Variants in KRT23 observed in about 807,000 individuals in gnomAD.
The protein encoded by KRT23 is keratin, type I cytoskeletal 23.
Under a neutral mutation model 47.6 loss-of-function variants are expected in KRT23, and 38 were observed. The observed-to-expected ratio is 0.80, with a 90% CI of 0.62 to 1.05. KRT23 has a LOEUF of 1.05. Among genes scored for constraint, KRT23 ranks in the 50% least tolerant of loss-of-function variants. The pLI is 0.00. For synonymous variants in KRT23, 191 were observed against 199.0 expected, an observed-to-expected ratio of 0.96 and a Z score of 0.34; for missense variants, 503 against 529.5, an observed-to-expected ratio of 0.95 and a Z score of 0.49.
intron 2 of KRT23, among the ~76,000 whole-genome samples, chr17:40,932,765 T>A (rs1376201419): frequency 6.6e-6 from 1 of 152,184 alleles, no homozygotes; most frequent in Non-Finnish European, 1.5e-5. Flanking sequence ...CTTTTAAAAG[T>A]CTGGTCCTAT....
rs1597889738 is a variant in KRT23 at position 40,936,986 on chromosome 17, G to A, written c.-350-33C>T. 4 of 212,366 alleles carry A rather than the reference G, an allele frequency of 1.9e-5. No homozygotes were observed. The East Asian group carries it at 4.0e-4, about 21-fold the overall frequency. 13.2% of individuals were successfully genotyped at this position (212,366 alleles called of 1,614,324 possible). Reference sequence around the variant, plus strand: ...GGGTTAGGTTAAAGTCCACCCAAAAGAAAGCATATTCGATGTAGTATAGAT... The same window carrying A: ...GGGTTAGGTTAAAGTCCACCCAAAAAAAAGCATATTCGATGTAGTATAGAT... On this transcript the variant is annotated intron_variant, in intron 1 of 8. Transcript: ENST00000209718.
At chr17:40,925,048 T>C in intron 7 of KRT23, 1 of 416,580 alleles carries the variant, frequency 2.4e-6, no homozygotes, top group Middle Eastern at 6.1e-4. Flanking sequence ...CCTGCCTTCT[T>C]TTTTTTGGAG....
intron 3 of KRT23, 29 bp downstream of exon 3, chr17:40,931,344 C>G: frequency 6.5e-7 from 1 of 1,547,532 alleles, no homozygotes; most frequent in Non-Finnish European, 8.9e-7. Context: ...AAACAAAAAC[C>G]CGAACAACCC....
At chr17:40,929,229 T>C (rs535926826) in intron 4 of KRT23, among the ~76,000 whole-genome samples, 1 of 152,098 alleles carries the variant, frequency 6.6e-6, no homozygotes, top group South Asian at 2.1e-4. Context: ...GCCAAAGCTT[T>C]TGGGAAGCAG....
chr17:40,923,195 T>G, intron 8 of KRT23, 112 bp from the exon 9 acceptor site: 4 of 761,106 alleles, frequency 5.3e-6, no homozygotes, highest in Non-Finnish European at 8.9e-6. Context: ...GCCTTCCAAA[T>G]GATCACTAAG....
Position 40,936,307 on chromosome 17 carries a change from C to T in KRT23, c.297G>A (p.Lys99=), listed in dbSNP as rs751022346. 2 of 1,614,248 alleles carry T rather than the reference C, an allele frequency of 1.2e-6. No individual in the cohort carries two copies. The highest frequency in any genetic ancestry group is 3.3e-5 in the Admixed American group (2 of 60,038). The change falls in exon 2 of 9, where the codon AAG becomes AAA. Residue 99 remains lysine, a synonymous_variant. Transcript: ENST00000209718. ...GCCATTTCAGGATGCGGCTTTCCAG[C>T]TTCATGTTGGCCTCCTCCAGGGCGC... The part of the protein sequence containing the change: ...KVRALEEANM[K]LESRILKWHQ...
At chr17:40,929,728 A>G in intron 4 of KRT23, 1 of 485,380 alleles carries the variant, frequency 2.1e-6, no homozygotes, top group East Asian at 3.1e-5. Context: ...ATCATTAATT[A>G]TGATTGCATT....
At chr17:40,929,746 T>C in intron 4 of KRT23, 194 bp downstream of exon 4, 1 of 487,016 alleles carries the variant, frequency 2.1e-6, no homozygotes. Flanking sequence ...ATTTTGGTTG[T>C]TGTATTTGAC....
Position 40,922,739 on chromosome 17 carries a change from A to G in KRT23, c.*250T>C. On this transcript the variant is annotated 3_prime_UTR_variant, in exon 9 of 9. Transcript: ENST00000209718. ...TTATTGGCTACAAAATAGATGCAAA[A>G]TGATGAGAATCTGAAGGCTGCAGTA... 1 of 359,082 alleles carries G rather than the reference A, an allele frequency of 2.8e-6. No homozygotes were observed. The highest frequency in any genetic ancestry group is 4.5e-5 in the South Asian group (1 of 22,452). The allele number at this position is 359,082 out of a possible 1,614,324, so 22.2% of individuals were successfully genotyped here.
In KRT23 at chr17:40,928,474, C is replaced by G; in HGVS notation, c.770G>C (p.Arg257Pro). The change falls in exon 5 of 9, where the codon CGA becomes CCA. Residue 257 changes from arginine (R) to proline (P), a missense_variant. Coordinates refer to ENST00000209718, the MANE Select transcript of KRT23 (RefSeq NM_015515.5). ...TTCTTTATACCAAGTGTCCAAGTCT[C>G]GATGCTTCTTCTTTATTATAAGCTC... Reference protein sequence around the residue: ...EYELIIKKKHRDLDTWYKEQS... With the variant: ...EYELIIKKKHPDLDTWYKEQS... 1 of 1,614,126 alleles carries G rather than the reference C, an allele frequency of 6.2e-7. No individual in the cohort carries two copies.
intron 2 of KRT23, among the ~76,000 whole-genome samples, chr17:40,933,259 T>G (rs571732360): frequency 6.6e-6 from 1 of 152,296 alleles, no homozygotes; most frequent in South Asian, 2.1e-4. Flanking sequence ...TTTCCTCTTG[T>G]GGGATTCCAA....
At chr17:40,925,606 C>T in intron 6 of KRT23, 32 bp from the exon 7 acceptor site, 2 of 1,502,042 alleles carry the variant, frequency 1.3e-6, no homozygotes, top group Non-Finnish European at 1.8e-6. Flanking sequence ...TGTTAATTAA[C>T]TGATGGCTTG....
In KRT23 at chr17:40,936,673, C is replaced by G; in HGVS notation, c.-70G>C. The G allele has an allele frequency of 1.4e-6, 2 of 1,418,726 alleles. No individual in the cohort carries two copies. Among genetic ancestry groups the G allele is most frequent in the Non-Finnish European group, 1.9e-6 (2 of 1,073,446 alleles). 87.9% of individuals were successfully genotyped at this position (1,418,726 alleles called of 1,614,324 possible). ...CTGGCACCGCAGAACTGAGCCGCCC[C>G]AGACTGCCCTGGATGGTTTTATGGC... On this transcript the variant is annotated 5_prime_UTR_variant, in exon 2 of 9. Coordinates refer to ENST00000209718, the MANE Select transcript of KRT23 (RefSeq NM_015515.5).
chr17:40,925,521 C>A lies in KRT23; in HGVS notation c.975G>T (p.Lys325Asn). 6.2e-7 allele frequency: 1 copy of A among 1,614,174 alleles called. No individual in the cohort carries two copies. Among genetic ancestry groups the A allele is most frequent in the Non-Finnish European group, 8.5e-7 (1 of 1,180,012 alleles). ...LSETQSRYSC[K>N]LQDMQEIISH... ...AGATGATCTCTTGCATGTCCTGGAG[C>A]TTGCAGGAGTACCGAGACTGGGTCT... Residue 325 changes from lysine to asparagine, a missense_variant, in exon 7 of 9, where the codon AAG (lysine) becomes AAT (asparagine). Transcript: ENST00000209718.
intron 8 of KRT23, 57 bp downstream of exon 8, chr17:40,924,415 G>C (rs950535513): frequency 7.8e-6 from 11 of 1,410,492 alleles, no homozygotes; most frequent in Non-Finnish European, 1.1e-5. Flanking sequence ...CTACAAAATG[G>C]ATAACCATGC....
chr17:40,930,017 T>A lies in KRT23; in HGVS notation c.559A>T (p.Ile187Phe). ...GLRRTLDNLT[I>F]VTTDLEQEVE... ...TCCTGTTCTAGGTCTGTTGTGACAA[T>A]GGTCAGGTTGTCTAAGGTCCTTCGG... The change falls in exon 4 of 9, where the codon ATT becomes TTT. Residue 187 changes from isoleucine to phenylalanine, a missense_variant. Physicochemically the swap from Ile to Phe is conservative, Grantham distance 21 (BLOSUM62 0). Coordinates refer to ENST00000209718, the MANE Select transcript of KRT23 (RefSeq NM_015515.5). The A allele has an allele frequency of 1.2e-6, 2 of 1,614,092 alleles. No individual in the cohort carries two copies. Among genetic ancestry groups the A allele is most frequent in the Admixed American group, 3.3e-5 (2 of 60,010 alleles).
chr17:40,932,397 T>C (rs1490034796), intron 2 of KRT23, among the ~76,000 whole-genome samples: 2 of 152,348 alleles, frequency 1.3e-5, no homozygotes, highest in East Asian at 3.9e-4. Context: ...ACACATTTGA[T>C]GTATGTCACT....
intron 6 of KRT23, 65 bp from the exon 7 acceptor site, chr17:40,925,639 G>T: frequency 8.1e-7 from 1 of 1,233,536 alleles, no homozygotes; most frequent in Non-Finnish European, 1.2e-6. Flanking sequence ...ACAGGTGATT[G>T]TTGAGTACTT....
intron 4 of KRT23, 70 bp downstream of exon 4, chr17:40,929,870 C>T (rs781635724): frequency 2.3e-5 from 32 of 1,414,704 alleles, no homozygotes; most frequent in Non-Finnish European, 2.8e-5. Flanking sequence ...TCTTCTGTAG[C>T]TGTCGAATCA....
Sources: allele counts gnomAD v4.1 joint callset (sites outside exome capture counted in the v4.1 genomes callset), GRCh38; gene constraint gnomAD v4.1.1; transcripts MANE v1.5; gene names NCBI Gene and HGNC (gene_info 2026-07-23, HGNC 2026-07-21).